XNDC1N: variants seen among roughly 807,000 people sequenced by gnomAD.
The protein encoded by XNDC1N is XRCC1 N-terminal domain containing 1, N-terminal like.
At chr11:71,884,556 T>C in the XNDC1N span, 13 of 1,601,438 alleles carry the variant, frequency 8.1e-6, no homozygotes, top group East Asian at 2.5e-4. Context: ...ACAAAAGAAG[T>C]GGTGAAAATT....
At chr11:71,889,057 A>G in the XNDC1N span, among the ~76,000 whole-genome samples, 2 of 152,090 alleles carry the variant, frequency 1.3e-5, no homozygotes, top group African/African-American at 4.8e-5. Context: ...AACCCTGGAC[A>G]CTGTTGTTGA....
chr11:71,878,871 G>A, the XNDC1N span, among the ~76,000 whole-genome samples: 35 of 152,156 alleles, frequency 2.3e-4, no homozygotes, highest in South Asian at 5.8e-3. Flanking sequence ...ATAGTGGCGC[G>A]TGCCTGTGGT....
chr11:71,872,020 C>T, the XNDC1N span, among the ~76,000 whole-genome samples: 1 of 151,866 alleles, frequency 6.6e-6, no homozygotes, highest in Admixed American at 6.6e-5. Context: ...GGTTTCTATC[C>T]CATATATTAG....
the XNDC1N span, among the ~76,000 whole-genome samples, chr11:71,895,663 C>G: frequency 6.6e-6 from 1 of 150,896 alleles, no homozygotes; most frequent in African/African-American, 2.4e-5. Context: ...TGTTGAAGTT[C>G]TACATTTATA....
chr11:71,913,392 G>A, the XNDC1N span, among the ~76,000 whole-genome samples: 3 of 152,000 alleles, frequency 2.0e-5, no homozygotes, highest in Non-Finnish European at 4.4e-5. Context: ...AGGTCACGGG[G>A]GGTGACCTTG....
chr11:71,908,783 G>C, the XNDC1N span, among the ~76,000 whole-genome samples: 1 of 152,176 alleles, frequency 6.6e-6, no homozygotes, highest in Non-Finnish European at 1.5e-5. Context: ...GAAAGGCGGA[G>C]AGTCCTCAAG....
At chr11:71,896,085 C>T in the XNDC1N span, among the ~76,000 whole-genome samples, 649 of 152,330 alleles carry the variant, frequency 4.3e-3, 6 homozygotes, top group African/African-American at 0.015. Flanking sequence ...CGAGACCCGC[C>T]TGGCCAACAT....
the XNDC1N span, among the ~76,000 whole-genome samples, chr11:71,880,188 C>A: frequency 2.6e-5 from 4 of 151,936 alleles, no homozygotes; most frequent in Non-Finnish European, 5.9e-5. Flanking sequence ...CAGGTATAAA[C>A]CACAGTTTAA....
At chr11:71,890,648 C>T in the XNDC1N span, among the ~76,000 whole-genome samples, 2 of 151,982 alleles carry the variant, frequency 1.3e-5, no homozygotes, top group Admixed American at 6.6e-5. Flanking sequence ...TTTCTCTCCC[C>T]CTGGATATCA....
chr11:71,926,980 T>C, the XNDC1N span, among the ~76,000 whole-genome samples: 1 of 152,146 alleles, frequency 6.6e-6, no homozygotes. Flanking sequence ...CTGGGTACAG[T>C]GGCTCACGCC....
At chr11:71,896,337 G>A in the XNDC1N span, among the ~76,000 whole-genome samples, 1 of 152,180 alleles carries the variant, frequency 6.6e-6, no homozygotes, top group African/African-American at 2.4e-5. Flanking sequence ...GTTAGCAGAC[G>A]CTAGGAAGAA....
the XNDC1N span, among the ~76,000 whole-genome samples, chr11:71,874,406 T>C: frequency 6.6e-6 from 1 of 152,134 alleles, no homozygotes; most frequent in Admixed American, 6.5e-5. Flanking sequence ...AATGAGAGAA[T>C]CAAAGGTATG....
At chr11:71,887,751 T>G in the XNDC1N span, among the ~76,000 whole-genome samples, 3 of 152,334 alleles carry the variant, frequency 2.0e-5, no homozygotes, top group East Asian at 5.8e-4. Context: ...TACCAGCCGG[T>G]ACAGGATTTG....
chr11:71,895,475 A>ATT, the XNDC1N span, among the ~76,000 whole-genome samples: 183 of 98,332 alleles, frequency 1.9e-3, no homozygotes, highest in Middle Eastern at 8.1e-3. Context: ...ATGCCTGGCT[A>ATT]TTTTTTTTTT....
the XNDC1N span, among the ~76,000 whole-genome samples, chr11:71,889,420 C>A: frequency 6.6e-6 from 1 of 152,212 alleles, no homozygotes; most frequent in Non-Finnish European, 1.5e-5. Flanking sequence ...CCCTTCTGGG[C>A]ATCAGGGCTC....
At chr11:71,926,968 G>A in the XNDC1N span, among the ~76,000 whole-genome samples, 1 of 151,922 alleles carries the variant, frequency 6.6e-6, no homozygotes, top group African/African-American at 2.4e-5. Flanking sequence ...ATACCTAAAA[G>A]GCTGGGTACA....
At chr11:71,881,596 G>A in the XNDC1N span, among the ~76,000 whole-genome samples, 1 of 151,726 alleles carries the variant, frequency 6.6e-6, no homozygotes, top group African/African-American at 2.4e-5. Flanking sequence ...ATTGCACGAG[G>A]GCCATACCCT....
the XNDC1N span, among the ~76,000 whole-genome samples, chr11:71,905,400 T>C: frequency 6.6e-6 from 1 of 151,714 alleles, no homozygotes; most frequent in African/African-American, 2.4e-5. Context: ...TGTACACCCC[T>C]GTGACTTTAA....
chr11:71,925,580 C>T, the XNDC1N span, among the ~76,000 whole-genome samples: 2 of 152,104 alleles, frequency 1.3e-5, no homozygotes, highest in African/African-American at 4.8e-5. Context: ...ACTGGGCACA[C>T]AAAAATCTTT....
Sources: allele counts gnomAD v4.1 joint callset (sites outside exome capture counted in the v4.1 genomes callset), GRCh38; gene constraint gnomAD v4.1.1; transcripts MANE v1.5; gene names NCBI Gene and HGNC (gene_info 2026-07-23, HGNC 2026-07-21).